Variants in PDE1A observed in about 807,000 individuals in gnomAD.
PDE1A encodes the protein phosphodiesterase 1A.
PDE1A carries 35 observed loss-of-function variants against 61.7 expected under a neutral mutation model. The observed-to-expected ratio is 0.57, with a 90% confidence interval of 0.43 to 0.75. The LOEUF (loss-of-function observed/expected upper bound fraction) is 0.75. PDE1A is among the 30% of genes least tolerant of loss of function. The pLI is 0.00. For synonymous variants in PDE1A, 232 were observed against 213.2 expected (o/e 1.09, Z -0.77); for missense variants, 597 against 630.6 (o/e 0.95, Z 0.57).
chr2:182,572,456 T>C, the PDE1A span, among the ~76,000 whole-genome samples: 1 of 152,308 alleles, frequency 6.6e-6, no homozygotes, highest in Middle Eastern at 3.4e-3. Flanking sequence ...TAAATCACAA[T>C]CACTATAAAC....
intron 1 of PDE1A, among the ~76,000 whole-genome samples, chr2:182,407,670 C>T (rs1163294479): frequency 1.3e-5 from 2 of 152,100 alleles, no homozygotes; most frequent in African/African-American, 4.8e-5. Flanking sequence ...TGTGAGCCAC[C>T]GTGCCCGGCC....
chr2:182,369,321 T>TTC (rs1476634240), intron 1 of PDE1A, among the ~76,000 whole-genome samples: 1 of 152,230 alleles, frequency 6.6e-6, no homozygotes, highest in Non-Finnish European at 1.5e-5. Context: ...ATATAATAGC[T>TTC]TCTTATCGCA....
intron 10 of PDE1A, among the ~76,000 whole-genome samples, chr2:182,195,980 C>T (rs990681708): frequency 6.6e-6 from 1 of 151,996 alleles, no homozygotes; most frequent in Admixed American, 6.6e-5. Context: ...TATTTACCTC[C>T]AAAGGTGTAC....
chr2:182,668,745 C>G, the PDE1A span, among the ~76,000 whole-genome samples: 2 of 152,186 alleles, frequency 1.3e-5, no homozygotes, highest in African/African-American at 4.8e-5. Context: ...CCAACGCATA[C>G]AGCTGCACTC....
chr2:182,191,002 T>C lies in PDE1A; in HGVS notation c.1126-1942A>G, dbSNP rs73041890. Among the ~76,000 whole-genome samples, 1,106 of 152,140 alleles carry C rather than the reference T, an allele frequency of 7.3e-3. 11 individuals are homozygous for C. The highest frequency in any genetic ancestry group is 0.024 in the African/African-American group (1,014 of 41,512). ...TCCATAATTTAGAATAGCAACAACATGAATGCAATATGTACAAATTAAAGG... is the reference window on the plus strand; with the variant it reads ...TCCATAATTTAGAATAGCAACAACACGAATGCAATATGTACAAATTAAAGG... On this transcript the variant is annotated intron_variant, in intron 10 of 13. Transcript: ENST00000351439.
chr2:182,499,342 A>C (rs934328494), intron 2 of PDE1A, among the ~76,000 whole-genome samples: 1 of 151,872 alleles, frequency 6.6e-6, no homozygotes. Context: ...GTACTCCGCT[A>C]ATTTTTTGTA....
chr2:182,685,549 C>T, the PDE1A span, among the ~76,000 whole-genome samples: 1 of 152,144 alleles, frequency 6.6e-6, no homozygotes, highest in Admixed American at 6.6e-5. Flanking sequence ...CTCTAAAATT[C>T]AGTCTACTCA....
rs1695276289 is a variant in PDE1A at position 182,302,040 on chromosome 2, T to A, written c.54-37626A>T. Among the ~76,000 whole-genome samples, 3 of 152,184 alleles carry A rather than the reference T, an allele frequency of 2.0e-5. No homozygotes were observed. The South Asian group carries it at 6.2e-4, about 31-fold the overall frequency. Reference sequence around the variant, plus strand: ...GTTGGGTTTTTAAAAGAAATTGTAATCTCTTGCCACCTAGAAGAATATGTA... The same window carrying A: ...GTTGGGTTTTTAAAAGAAATTGTAAACTCTTGCCACCTAGAAGAATATGTA... On this transcript the variant is annotated intron_variant, in intron 1 of 13. Transcript: ENST00000351439.
chr2:182,426,547 C>T, intron 1 of PDE1A, 31 bp downstream of exon 1: 1 of 1,466,192 alleles, frequency 6.8e-7, no homozygotes. Flanking sequence ...CCTGACAGCC[C>T]TAGAGCCACC....
At position 182,446,249 on chromosome 2, in the gene PDE1A, C is replaced by T. The variant is rs184369581; in HGVS notation, c.101+76027G>A. ...AAAAGCATGCATAATTACCACATCT[C>T]CTGCCTAGAAGAGATTGTGGACCAC... On this transcript the variant is annotated intron_variant, in intron 2 of 14. Coordinates refer to the PDE1A transcript ENST00000410103. 2.0e-5 allele frequency among the ~76,000 whole-genome samples: 3 copies of T among 152,188 alleles called. No individual in the cohort carries two copies. The East Asian group carries it at 5.8e-4, about 30-fold the overall frequency.
intron 1 of PDE1A, among the ~76,000 whole-genome samples, chr2:182,301,477 C>T (rs1296224256): frequency 6.6e-6 from 1 of 152,158 alleles, no homozygotes; most frequent in Non-Finnish European, 1.5e-5. Flanking sequence ...CCACTTTCAA[C>T]TCAGCTGTAA....
At chr2:182,238,622 G>C (rs1690255198) in intron 3 of PDE1A, among the ~76,000 whole-genome samples, 1 of 152,140 alleles carries the variant, frequency 6.6e-6, no homozygotes, top group Admixed American at 6.5e-5. Flanking sequence ...CAATAAACTT[G>C]TCCCACTATT....
At chr2:182,358,262 C>G (rs1252745159) in intron 1 of PDE1A, among the ~76,000 whole-genome samples, 1 of 152,138 alleles carries the variant, frequency 6.6e-6, no homozygotes, top group East Asian at 1.9e-4. Context: ...TTATCTCCCT[C>G]TACTCAGCCA....
At chr2:182,340,278 TA>T (rs1384448133) in intron 1 of PDE1A, among the ~76,000 whole-genome samples, 1 of 152,214 alleles carries the variant, frequency 6.6e-6, no homozygotes, top group Non-Finnish European at 1.5e-5. Flanking sequence ...GTATGTCTAA[TA>T]AAATTCACCA....
At chr2:182,627,194 T>TA in the PDE1A span, among the ~76,000 whole-genome samples, 6 of 15,790 alleles carry the variant, frequency 3.8e-4, no homozygotes, top group African/African-American at 5.7e-4. Flanking sequence ...AATATAAATA[T>TA]TATATTATTT....
At position 182,494,180 on chromosome 2, in the gene PDE1A, G is replaced by A. The variant is rs984493869; in HGVS notation, c.101+28096C>T. ...TGAAGAAGGTTGAATGGTCTTTACT[G>A]GGATGTCTCTTGAGCAAAGGTAACC... On this transcript the variant is annotated intron_variant, in intron 2 of 14. Transcript: ENST00000410103. Among the ~76,000 whole-genome samples the A allele has an allele frequency of 5.9e-5, 9 of 152,094 alleles. No individual in the cohort carries two copies. The South Asian group carries it at 8.3e-4, about 14-fold the overall frequency.
chr2:182,163,484 G>A (rs1203845171), downstream of PDE1A, among the ~76,000 whole-genome samples: 2 of 152,158 alleles, frequency 1.3e-5, no homozygotes, highest in East Asian at 3.9e-4. Flanking sequence ...TGAGCAAGAA[G>A]TAACAACCAC....
intron 1 of PDE1A, among the ~76,000 whole-genome samples, chr2:182,276,865 T>C (rs1163208652): frequency 1.3e-5 from 2 of 151,970 alleles, no homozygotes; most frequent in African/African-American, 4.8e-5. Flanking sequence ...GTCTGTCTTA[T>C]GTGGTTGAGA....
chr2:182,688,135 C>G, the PDE1A span, among the ~76,000 whole-genome samples: 1 of 152,128 alleles, frequency 6.6e-6, no homozygotes, highest in African/African-American at 2.4e-5. Context: ...CTTCCCCAAC[C>G]TAGCAAGGCA....
Sources: gnomAD v4.1 joint callset for allele counts (sites outside exome capture counted in the v4.1 genomes callset) on GRCh38, gnomAD v4.1.1 for gene constraint, MANE v1.5 for transcripts, NCBI Gene and HGNC (gene_info 2026-07-23, HGNC 2026-07-21) for gene names.